CD99: variants seen among roughly 807,000 people sequenced by gnomAD.
CD99 encodes the protein CD99 antigen.
CD99 carries 19 observed loss-of-function variants against 28.4 expected under a neutral mutation model. That is an observed-to-expected ratio of 0.67 (90% CI 0.47 to 0.98). The LOEUF is 0.98. CD99 is among the 50% of genes least tolerant of loss of function. CD99 has a pLI of 0.00. For synonymous variants in CD99, 103 were observed against 92.1 expected (o/e 1.12, Z -0.67); for missense variants, 283 against 248.8 (o/e 1.14, Z -0.92).
chrX:2,740,694 C>T lies in CD99; in HGVS notation c.533-85C>T, dbSNP rs375915080. 5.0e-6 allele frequency: 7 copies of T among 1,388,416 alleles called. 1 individual carries two copies. The African/African-American group carries it at 1.0e-4, about 20-fold the overall frequency. The allele number at this position is 1,388,416 out of a possible 1,614,324, so 86.0% of individuals were successfully genotyped here. ...TTTTTCTTATGCAGAAATAAAACCA[C>T]TGGCTCCTGAAAGTTGTAGGAACTG... On this transcript the variant is annotated intron_variant, in intron 9 of 9. Transcript: ENST00000381192.
chrX:2,693,070 CAG>C (rs1257369507), intron 1 of CD99, among the ~76,000 whole-genome samples: 7 of 151,926 alleles, frequency 4.6e-5, no homozygotes, highest in African/African-American at 1.5e-4. Flanking sequence ...GTCATTGGAG[CAG>C]AGTGAGTGGA....
chrX:2,704,348 C>A (rs1005889287), intron 1 of CD99, among the ~76,000 whole-genome samples: 1 of 152,152 alleles, frequency 6.6e-6, no homozygotes, highest in Non-Finnish European at 1.5e-5. Context: ...TAGGATGAAG[C>A]CGAGATGTTA....
chrX:2,691,582 C>T (rs761951342), intron 1 of CD99, 155 bp downstream of exon 1: 1 of 806,424 alleles, frequency 1.2e-6, no homozygotes, highest in South Asian at 1.4e-5. Context: ...GGCCCAGGCC[C>T]GGAGGAGGCG....
intron 8 of CD99, chrX:2,733,302 C>T (rs933029504): frequency 6.5e-7 from 1 of 1,543,180 alleles, no homozygotes; most frequent in South Asian, 1.2e-5. Flanking sequence ...GCAGACCCAG[C>T]ACCAGTTTAC....
chrX:2,734,626 T>C (rs962729255), intron 8 of CD99, among the ~76,000 whole-genome samples: 60 of 151,462 alleles, frequency 4.0e-4, no homozygotes, highest in Non-Finnish European at 8.7e-4. Context: ...TTTTCTTTTT[T>C]TTTTTCTCTT....
intron 1 of CD99, among the ~76,000 whole-genome samples, chrX:2,693,154 T>G (rs2047413636): frequency 1.3e-5 from 2 of 151,936 alleles, no homozygotes; most frequent in Non-Finnish European, 1.5e-5. Flanking sequence ...GTGGTGGTTT[T>G]TTTTTTTTGG....
At chrX:2,691,539 T>C in intron 1 of CD99, 112 bp downstream of exon 1, 1 of 1,222,888 alleles carries the variant, frequency 8.2e-7, no homozygotes, top group Non-Finnish European at 1.2e-6. Flanking sequence ...CGGAGCCTCC[T>C]CCCTGCCCGG....
chrX:2,739,558 T>G (rs1411332226), intron 9 of CD99, among the ~76,000 whole-genome samples: 1 of 152,060 alleles, frequency 6.6e-6, no homozygotes, highest in Non-Finnish European at 1.5e-5. Context: ...CAAGTGATTC[T>G]CCTTCCTCAG....
At position 2,691,371 on chromosome X, in the gene CD99, G is replaced by T; in HGVS notation, c.11G>T (p.Gly4Val). MAR[G>V]AALALLLFGL... ...CGCTCTGGGCGCACCATGGCCCGCG[G>T]GGCTGCGCTGGCGCTGCTGCTCTTC... Residue 4 changes from glycine (G) to valine (V), a missense_variant, in exon 1 of 10, where the codon GGG becomes GTG. Transcript: ENST00000381192. 1 of 1,575,188 alleles carries T rather than the reference G, an allele frequency of 6.3e-7. No individual in the cohort carries two copies. The highest frequency in any genetic ancestry group is 8.5e-7 in the Non-Finnish European group (1 of 1,170,622).
chrX:2,705,044 CAGAG>C (rs1355271335), intron 1 of CD99, among the ~76,000 whole-genome samples: 1 of 152,196 alleles, frequency 6.6e-6, no homozygotes, highest in Non-Finnish European at 1.5e-5. Flanking sequence ...GCTAAGAAGA[CAGAG>C]AGACGAGTTT....
chrX:2,727,190 C>T (rs760327080), intron 8 of CD99: 20 of 721,280 alleles, frequency 2.8e-5, no homozygotes, highest in South Asian at 1.3e-4. Flanking sequence ...CTGTTAGTAC[C>T]GAAAACCCAC....
intron 5 of CD99, among the ~76,000 whole-genome samples, chrX:2,722,382 G>A (rs1389195761): frequency 1.3e-5 from 2 of 152,086 alleles, no homozygotes; most frequent in African/African-American, 4.8e-5. Flanking sequence ...GTGCAGTGGT[G>A]CCATCTTGGC....
At chrX:2,728,083 T>C (rs1478460618) in intron 8 of CD99, among the ~76,000 whole-genome samples, 1 of 152,108 alleles carries the variant, frequency 6.6e-6, no homozygotes, top group East Asian at 1.9e-4. Context: ...CTCAAGACTT[T>C]AAATGAGCTG....
intron 7 of CD99, among the ~76,000 whole-genome samples, chrX:2,725,897 G>A (rs1352001073): frequency 6.6e-6 from 1 of 152,164 alleles, no homozygotes; most frequent in Non-Finnish European, 1.5e-5. Flanking sequence ...ACAGGCGTGA[G>A]CCACCACGCC....
At chrX:2,716,392 A>G (rs1316239850) in intron 2 of CD99, among the ~76,000 whole-genome samples, 1 of 151,210 alleles carries the variant, frequency 6.6e-6, no homozygotes, top group Non-Finnish European at 1.5e-5. Flanking sequence ...GTTGGAGTGC[A>G]GTGTTGGGAT....
chrX:2,725,561 G>C (rs1282420259), intron 7 of CD99, among the ~76,000 whole-genome samples: 1 of 152,142 alleles, frequency 6.6e-6, no homozygotes, highest in Non-Finnish European at 1.5e-5. Context: ...TTTATCTTCT[G>C]CCCCTGCCTG....
intron 8 of CD99, among the ~76,000 whole-genome samples, chrX:2,732,571 C>CTCTCTT (rs1556338060): frequency 7.0e-6 from 1 of 143,748 alleles, no homozygotes; most frequent in African/African-American, 2.6e-5. Flanking sequence ...CCCTCTCTCT[C>CTCTCTT]TCTTTTCATT....
chrX:2,712,898 C>G (rs1204453891), intron 1 of CD99, among the ~76,000 whole-genome samples: 3 of 152,066 alleles, frequency 2.0e-5, no homozygotes, highest in Non-Finnish European at 2.9e-5. Flanking sequence ...TACATGTGTG[C>G]ACACAAACAC....
At chrX:2,692,468 G>A (rs1204185751) in intron 1 of CD99, among the ~76,000 whole-genome samples, 1 of 152,162 alleles carries the variant, frequency 6.6e-6, no homozygotes, top group East Asian at 1.9e-4. Context: ...TGACTAGGCC[G>A]GGTCTCTATT....
Sources: gnomAD v4.1 joint callset for allele counts (sites outside exome capture counted in the v4.1 genomes callset) on GRCh38, gnomAD v4.1.1 for gene constraint, MANE v1.5 for transcripts, NCBI Gene and HGNC (gene_info 2026-07-23, HGNC 2026-07-21) for gene names.